ICA1L: variants seen among roughly 807,000 people sequenced by gnomAD.
ICA1L encodes islet cell autoantigen 1-like protein.
A neutral mutation model predicts 61.3 loss-of-function variants in ICA1L; 50 were observed. That is an observed-to-expected ratio of 0.82 (90% CI 0.65 to 1.03). ICA1L has a LOEUF of 1.03. Ranked by LOEUF, ICA1L falls within the 50% of genes least tolerant of loss-of-function variation. The pLI is 0.00. For missense variants in ICA1L, 508 were observed against 556.7 expected (o/e 0.91, Z 0.88); for synonymous variants, 161 against 191.3 (o/e 0.84, Z 1.31).
intron 1 of ICA1L, among the ~76,000 whole-genome samples, chr2:202,850,052 AGGGG>A (rs1559147566): frequency 6.6e-6 from 1 of 152,196 alleles, no homozygotes; most frequent in Non-Finnish European, 1.5e-5. Context: ...CCTGCAGAAG[AGGGG>A]CCTGTTAGAA....
intron 1 of ICA1L, among the ~76,000 whole-genome samples, chr2:202,868,793 C>T (rs1687601171): frequency 6.6e-6 from 1 of 151,386 alleles, no homozygotes. Context: ...ATGGTAAAAC[C>T]CCCATCTCTA....
At chr2:202,807,891 A>C (rs62194665) in intron 9 of ICA1L, among the ~76,000 whole-genome samples, 17,103 of 152,060 alleles carry the variant, frequency 0.11, 1,715 homozygotes, top group East Asian at 0.52. Context: ...GCACTGCCCT[A>C]AAGGGAAGGA....
chr2:202,870,375 A>T (rs1396107916), intron 1 of ICA1L, among the ~76,000 whole-genome samples: 1 of 152,230 alleles, frequency 6.6e-6, no homozygotes, highest in Non-Finnish European at 1.5e-5. Flanking sequence ...ACTGGTAATT[A>T]GAACACTGCC....
chr2:202,844,152 A>G (rs1353693548), intron 1 of ICA1L: 3 of 152,186 alleles, frequency 2.0e-5, no homozygotes, highest in African/African-American at 7.2e-5. Flanking sequence ...CCAGAATTGG[A>G]TTTGCTGTGT....
chr2:202,780,815 T>C (rs1381886549), intron 12 of ICA1L, among the ~76,000 whole-genome samples: 1 of 152,116 alleles, frequency 6.6e-6, no homozygotes. Context: ...AAAATCTGGC[T>C]TTGAGTCCTG....
intron 1 of ICA1L, among the ~76,000 whole-genome samples, chr2:202,831,415 GTCC>G (rs1387189701): frequency 6.6e-6 from 1 of 151,980 alleles, no homozygotes; most frequent in Admixed American, 6.6e-5. Flanking sequence ...ACTGCTTTCA[GTCC>G]TCCTCCTCCT....
chr2:202,845,822 G>C (rs1174015525), intron 1 of ICA1L, among the ~76,000 whole-genome samples: 1 of 152,142 alleles, frequency 6.6e-6, no homozygotes, highest in East Asian at 1.9e-4. Flanking sequence ...TGATATTAAT[G>C]TGCACACTGA....
chr2:202,832,435 C>CAAAAAA (rs35735506), intron 1 of ICA1L, among the ~76,000 whole-genome samples: 4 of 80,890 alleles, frequency 4.9e-5, no homozygotes, highest in South Asian at 4.4e-4. Flanking sequence ...GACTCCGTCA[C>CAAAAAA]AAAAAAAAAA....
intron 12 of ICA1L, among the ~76,000 whole-genome samples, chr2:202,784,464 G>A (rs935946747): frequency 3.3e-5 from 5 of 152,088 alleles, no homozygotes; most frequent in African/African-American, 1.2e-4. Context: ...GAAAACATAT[G>A]AATCTATATT....
chr2:202,862,527 T>C (rs1230065273), intron 1 of ICA1L, among the ~76,000 whole-genome samples: 2 of 152,036 alleles, frequency 1.3e-5, no homozygotes, highest in Admixed American at 1.3e-4. Context: ...TCCCAAATAT[T>C]TGGAAATAAC....
intron 12 of ICA1L, among the ~76,000 whole-genome samples, chr2:202,781,875 G>T (rs1323607442): frequency 1.3e-5 from 2 of 152,056 alleles, no homozygotes; most frequent in Admixed American, 6.5e-5. Context: ...ACTCCTACAC[G>T]CAGTTTTTGA....
intron 9 of ICA1L, among the ~76,000 whole-genome samples, chr2:202,798,907 A>C (rs1227718559): frequency 1.3e-5 from 2 of 152,172 alleles, no homozygotes; most frequent in African/African-American, 4.8e-5. Flanking sequence ...ATTTCACTTA[A>C]GATAATGACC....
At chr2:202,838,325 A>G (rs1255073733) in intron 1 of ICA1L, among the ~76,000 whole-genome samples, 1 of 152,160 alleles carries the variant, frequency 6.6e-6, no homozygotes, top group Middle Eastern at 3.2e-3. Context: ...AATTTTTAAG[A>G]CTTATATTGT....
At chr2:202,830,607 T>G (rs1156337601) in intron 1 of ICA1L, among the ~76,000 whole-genome samples, 1 of 152,248 alleles carries the variant, frequency 6.6e-6, no homozygotes, top group Non-Finnish European at 1.5e-5. Context: ...CTAAAGTATG[T>G]GACTCATTCG....
Position 202,774,414 on chromosome 2 carries a change from G to T in ICA1L, c.*5119C>A. 1 of 915,616 alleles carries T rather than the reference G, an allele frequency of 1.1e-6. No homozygotes were observed. The highest frequency in any genetic ancestry group is 1.5e-6 in the Non-Finnish European group (1 of 672,780). The allele number at this position is 915,616 out of a possible 1,614,324, so 56.7% of individuals were successfully genotyped here. On this transcript the variant is annotated 3_prime_UTR_variant, in exon 13 of 13. Transcript: ENST00000358299. ...CACTGCGCCTCCAACAGCCAGGGTC[G>T]AGCCCCTGGCTCCCCGTTCGTCCAG...
intron 1 of ICA1L, chr2:202,860,329 G>A (rs1694878261): frequency 1.4e-5 from 2 of 143,636 alleles, no homozygotes; most frequent in East Asian, 4.1e-4. Flanking sequence ...AATAGAAAAG[G>A]AACACCAATA....
In ICA1L at chr2:202,854,750, G is replaced by A. The variant is rs140728177; in HGVS notation, c.-8+16869C>T. Among the ~76,000 whole-genome samples, 766 of 152,310 alleles carry A rather than the reference G, an allele frequency of 5.0e-3. 6 individuals carry two copies. The highest frequency in any genetic ancestry group is 8.3e-3 in the Non-Finnish European group (567 of 68,038). On this transcript the variant is annotated intron_variant, in intron 1 of 12. Transcript: ENST00000358299. The stretch of plus-strand genomic sequence containing the variant: ...AGGATTAAGAAACTCACCTGAGGCC[G>A]GGTGCAGTGGCTCAGGCCTGTAATC...
intron 9 of ICA1L, among the ~76,000 whole-genome samples, chr2:202,804,956 A>G (rs1473483642): frequency 2.6e-5 from 4 of 152,264 alleles, no homozygotes; most frequent in Non-Finnish European, 5.9e-5. Flanking sequence ...AAATTTTTAA[A>G]TAACTGAAAT....
At chr2:202,792,804 A>C (rs1191779057) in intron 10 of ICA1L, among the ~76,000 whole-genome samples, 1 of 152,156 alleles carries the variant, frequency 6.6e-6, no homozygotes, top group East Asian at 1.9e-4. Flanking sequence ...ACTCGGCCTC[A>C]AAAAATTAAA....
Sources: allele counts gnomAD v4.1 joint callset (sites outside exome capture counted in the v4.1 genomes callset), GRCh38; gene constraint gnomAD v4.1.1; transcripts MANE v1.5; gene names NCBI Gene and HGNC (gene_info 2026-07-23, HGNC 2026-07-21).